The following ARMH1 variants were observed in gnomAD, a reference collection of about 807,000 sequenced individuals.
ARMH1 encodes the protein armadillo-like helical domain containing protein 1.
Under a neutral mutation model 50.2 loss-of-function variants are expected in ARMH1, and 34 were observed. The ratio of observed to expected loss-of-function variants is 0.68; its 90% CI spans 0.51 to 0.90. ARMH1 has a LOEUF of 0.90. ARMH1 is among the 40% of genes least tolerant of loss of function. ARMH1 has a pLI of 0.00. For missense variants in ARMH1, 538 were observed against 553.9 expected (o/e 0.97, Z 0.29); for synonymous variants, 221 against 224.2 (o/e 0.99, Z 0.13).
At chr1:44,723,422 T>C (rs1406352359) in intron 6 of ARMH1, among the ~76,000 whole-genome samples, 2 of 152,204 alleles carry the variant, frequency 1.3e-5, no homozygotes, top group African/African-American at 2.4e-5. Context: ...CTGTAAAATA[T>C]CTACAGGAAA....
intron 6 of ARMH1, among the ~76,000 whole-genome samples, chr1:44,717,106 C>A (rs962546233): frequency 6.6e-6 from 1 of 152,192 alleles, no homozygotes; most frequent in Non-Finnish European, 1.5e-5. Flanking sequence ...GCCTTGACCT[C>A]CCAAAGTGCT....
chr1:44,677,143 C>T (rs554340972), intron 1 of ARMH1, among the ~76,000 whole-genome samples: 3 of 152,078 alleles, frequency 2.0e-5, no homozygotes, highest in Admixed American at 6.5e-5. Context: ...AGATGGTGTG[C>T]GAGATTGAAA....
chr1:44,678,829 T>C (rs1645217133), intron 1 of ARMH1, among the ~76,000 whole-genome samples: 1 of 152,170 alleles, frequency 6.6e-6, no homozygotes, highest in Admixed American at 6.5e-5. Context: ...AAATTTTATT[T>C]AGAAACAAGA....
At chr1:44,717,290 G>A (rs905364720) in intron 6 of ARMH1, among the ~76,000 whole-genome samples, 2 of 152,130 alleles carry the variant, frequency 1.3e-5, no homozygotes, top group African/African-American at 4.8e-5. Flanking sequence ...GCAGAAGCTG[G>A]GGCTGGCCTG....
rs556615608 is a variant in ARMH1, at chr1:44,683,157, G to A, written c.-22-6519G>A. On this transcript the variant is annotated intron_variant, in intron 1 of 11. Transcript: ENST00000535358. This position sits in a 1 kb window ranked among gnomAD's most constrained non-coding sequence, Gnocchi z 4.2. The stretch of plus-strand genomic sequence containing the variant: ...CAACAGTTCAGATGAGGGCAAGGGA[G>A]AGGAATAAGTCAAAGACAACTTTTG... Among the ~76,000 whole-genome samples the A allele has an allele frequency of 6.6e-6, 1 of 152,296 alleles. No homozygotes were observed. The highest frequency in any genetic ancestry group is 2.1e-4 in the South Asian group (1 of 4,820).
chr1:44,719,415 A>C (rs1004476107), intron 6 of ARMH1, among the ~76,000 whole-genome samples: 1 of 152,218 alleles, frequency 6.6e-6, no homozygotes, highest in Admixed American at 6.5e-5. Flanking sequence ...CACACCAGCC[A>C]AAACTCATTC....
In ARMH1 at chr1:44,698,057, G is replaced by A. The variant is rs1256399076; in HGVS notation, c.276-6G>A. ...TTTATTTCTACTTTTCTATCCCTCT[G>A]GACAGTAATCGGTACCTTATAGAAT... On this transcript the variant is annotated splice_polypyrimidine_tract_variant and splice_region_variant and intron_variant, in intron 3 of 11. Transcript: ENST00000535358. The A allele has an allele frequency of 6.5e-7, 1 of 1,543,428 alleles. No homozygotes were observed. Among genetic ancestry groups the A allele is most frequent in the East Asian group, 2.5e-5 (1 of 40,742 alleles).
At position 44,714,278 on chromosome 1, in the gene ARMH1, GA is replaced by G. The variant is rs879914972; in HGVS notation, c.725-9830del. 4.7e-3 allele frequency among the ~76,000 whole-genome samples: 517 copies of G among 110,270 alleles called. 1 individual carries two copies. Among genetic ancestry groups the G allele is most frequent in the African/African-American group, 0.014 (395 of 28,338 alleles). 72.3% of individuals were successfully genotyped at this position (110,270 alleles called of 152,430 possible). ...GAGCGAGACTCCGTCTCAAAAAAAA[GA>G]AAAAAAAAAAAAAGAGGGAGCAGGG... is the stretch of plus-strand genomic sequence containing the variant. On this transcript the variant is annotated intron_variant, in intron 6 of 11. Coordinates refer to ENST00000535358, the MANE Select transcript of ARMH1 (RefSeq NM_001145636.2).
At chr1:44,675,785 C>A (rs1000266514) in intron 1 of ARMH1, among the ~76,000 whole-genome samples, 14 of 151,966 alleles carry the variant, frequency 9.2e-5, no homozygotes, top group Admixed American at 4.6e-4. Context: ...CATGGCGAAA[C>A]CCCATCTCTA....
At chr1:44,706,840 T>C (rs1199369803) in intron 6 of ARMH1, among the ~76,000 whole-genome samples, 1 of 152,094 alleles carries the variant, frequency 6.6e-6, no homozygotes, top group African/African-American at 2.4e-5. Context: ...GTCACTGGCA[T>C]TGGAGCAAGG....
Position 44,682,471 on chromosome 1 carries a change from A to G in ARMH1, c.-22-7205A>G, listed in dbSNP as rs1645343776. The stretch of plus-strand genomic sequence containing the variant: ...TTCCTGATTTAGAAGCAGCAGCAGC[A>G]TGGGTTGAGGCAAGGGGTGGGGTGG... On this transcript the variant is annotated intron_variant, in intron 1 of 11. Coordinates refer to ENST00000535358, the MANE Select transcript of ARMH1 (RefSeq NM_001145636.2). The surrounding 1 kb of genome is among the most constrained non-coding windows in gnomAD (Gnocchi z 4.5). Among the ~76,000 whole-genome samples the G allele has an allele frequency of 6.6e-6, 1 of 152,166 alleles. No homozygotes were observed. Among genetic ancestry groups the G allele is most frequent in the African/African-American group, 2.4e-5 (1 of 41,458 alleles).
At chr1:44,712,292 C>G (rs1646646227) in intron 6 of ARMH1, among the ~76,000 whole-genome samples, 3 of 152,094 alleles carry the variant, frequency 2.0e-5, no homozygotes, top group Non-Finnish European at 2.9e-5. Context: ...AATCCTCTCT[C>G]TACTAAAAAT....
chr1:44,699,599 G>A (rs1021855110), intron 4 of ARMH1, among the ~76,000 whole-genome samples: 8 of 151,798 alleles, frequency 5.3e-5, no homozygotes, highest in South Asian at 2.1e-4. Flanking sequence ...ACAGGCATGC[G>A]CCACCATGCC....
At position 44,682,683 on chromosome 1, in the gene ARMH1, T is replaced by A. The variant is rs1557513935; in HGVS notation, c.-22-6993T>A. ...GCTCACACCTGTAATCCCAGTACTT[T>A]GGGAGGCCGAGGCAGGAGGATTGCT... On this transcript the variant is annotated intron_variant, in intron 1 of 11. Coordinates refer to ENST00000535358, the MANE Select transcript of ARMH1 (RefSeq NM_001145636.2). This position sits in a 1 kb window ranked among gnomAD's most constrained non-coding sequence, Gnocchi z 4.5. Among the ~76,000 whole-genome samples, 1 of 152,126 alleles carries A rather than the reference T, an allele frequency of 6.6e-6. No homozygotes were observed. The highest frequency in any genetic ancestry group is 1.5e-5 in the Non-Finnish European group (1 of 68,010).
At chr1:44,687,745 C>G (rs1348023465) in intron 1 of ARMH1, among the ~76,000 whole-genome samples, 1 of 152,178 alleles carries the variant, frequency 6.6e-6, no homozygotes, top group Non-Finnish European at 1.5e-5. Flanking sequence ...GCCTTCACCA[C>G]ATACATAAGA....
Position 44,725,466 on chromosome 1 carries a change from G to A in ARMH1, c.*63G>A. 6.6e-7 allele frequency: 1 copy of A among 1,503,830 alleles called. No homozygotes were observed. The highest frequency in any genetic ancestry group is 1.2e-5 in the South Asian group (1 of 82,710). The allele number at this position is 1,503,830 out of a possible 1,614,324, so 93.2% of individuals were successfully genotyped here. ...GGCAGGGAAGCCTGGCAAGAGGAAG[G>A]CGCCTGGGGTCAAGCTCAGAGCCAC... On this transcript the variant is annotated 3_prime_UTR_variant, in exon 12 of 12. Coordinates refer to ENST00000535358, the MANE Select transcript of ARMH1 (RefSeq NM_001145636.2).
At position 44,683,806 on chromosome 1, in the gene ARMH1, C is replaced by T. The variant is rs1645384085; in HGVS notation, c.-22-5870C>T. On this transcript the variant is annotated intron_variant, in intron 1 of 11. Coordinates refer to ENST00000535358, the MANE Select transcript of ARMH1 (RefSeq NM_001145636.2). The surrounding 1 kb of genome is among the most constrained non-coding windows in gnomAD (Gnocchi z 4.2). The stretch of plus-strand genomic sequence containing the variant: ...AAACCCTTCTAAACCTTAGTTTCTT[C>T]ATCTGAAAGTTGTGGATAATGATGA... Among the ~76,000 whole-genome samples the T allele has an allele frequency of 6.6e-6, 1 of 152,174 alleles. No individual in the cohort carries two copies. Among genetic ancestry groups the T allele is most frequent in the Non-Finnish European group, 1.5e-5 (1 of 68,032 alleles).
At chr1:44,685,168 C>G (rs557074301) in intron 1 of ARMH1, among the ~76,000 whole-genome samples, 1 of 152,142 alleles carries the variant, frequency 6.6e-6, no homozygotes, top group Non-Finnish European at 1.5e-5. Context: ...TTAAAAAAGA[C>G]CTTCACCAAA....
chr1:44,680,324 G>A (rs1321078681), intron 1 of ARMH1, among the ~76,000 whole-genome samples: 1 of 152,114 alleles, frequency 6.6e-6, no homozygotes, highest in Non-Finnish European at 1.5e-5. Flanking sequence ...CTACAGGCGC[G>A]TGCCACCACA....
Sources: gnomAD v4.1 joint callset for allele counts (sites outside exome capture counted in the v4.1 genomes callset) on GRCh38, gnomAD v4.1.1 for gene constraint, Gnocchi (gnomAD v3.1) non-coding constraint, MANE v1.5 for transcripts, NCBI Gene and HGNC (gene_info 2026-07-23, HGNC 2026-07-21) for gene names.